The following MTHFD1 variants were observed in gnomAD, a reference collection of about 807,000 sequenced individuals.
MTHFD1 encodes the protein methylenetetrahydrofolate dehydrogenase, cyclohydrolase and formyltetrahydrofolate synthetase 1, also known as C-1-tetrahydrofolate synthase, cytoplasmic.
A neutral mutation model predicts 110.3 loss-of-function variants in MTHFD1; 44 were observed. The ratio of observed to expected loss-of-function variants is 0.40; its 90% CI spans 0.31 to 0.51. MTHFD1 has a LOEUF of 0.51. Ranked by LOEUF, MTHFD1 falls within the 20% of genes least tolerant of loss-of-function variation. The probability of loss-of-function intolerance (pLI) is 0.60; values close to 1 mark genes in which losing one functional copy is unlikely to be tolerated. For synonymous variants in MTHFD1, 402 were observed against 428.8 expected (o/e 0.94, Z 0.77); for missense variants, 909 against 1,173.1 (o/e 0.77, Z 3.29).
intron 2 of MTHFD1, among the ~76,000 whole-genome samples, chr14:64,402,416 A>G (rs1007508227): frequency 2.0e-5 from 3 of 152,242 alleles, no homozygotes; most frequent in African/African-American, 7.2e-5. Context: ...TTTTCACCCA[A>G]AAACTCACAT....
At chr14:64,438,151 G>A (rs2078221079) in intron 16 of MTHFD1, among the ~76,000 whole-genome samples, 1 of 152,196 alleles carries the variant, frequency 6.6e-6, no homozygotes, top group African/African-American at 2.4e-5. Context: ...GGGATTTACA[G>A]GCGTGAGCCA....
At chr14:64,411,504 A>G (rs2077983429) in intron 3 of MTHFD1, among the ~76,000 whole-genome samples, 1 of 152,230 alleles carries the variant, frequency 6.6e-6, no homozygotes, top group Non-Finnish European at 1.5e-5. Context: ...TAAAGAGGAA[A>G]GGGTGGGTTA....
intron 2 of MTHFD1, 142 bp downstream of exon 2, chr14:64,401,019 C>A (rs978722643): frequency 1.9e-4 from 135 of 694,522 alleles, no homozygotes; most frequent in East Asian, 1.6e-3. Flanking sequence ...CAGGCTCCCC[C>A]CTTTGGCTCA....
intron 1 of MTHFD1, among the ~76,000 whole-genome samples, chr14:64,389,474 G>A (rs769283307): frequency 3.9e-5 from 6 of 152,182 alleles, no homozygotes; most frequent in South Asian, 2.1e-4. Flanking sequence ...TTGGGAGGCC[G>A]AGGTGGGTGG....
chr14:64,454,928 G>A, intron 26 of MTHFD1, 53 bp downstream of exon 26: 2 of 1,589,696 alleles, frequency 1.3e-6, no homozygotes, highest in African/African-American at 1.3e-5. Flanking sequence ...CTCGTCTGAA[G>A]TGTGTTGCCG....
chr14:64,427,538 C>G (rs192611418), intron 12 of MTHFD1, 65 bp downstream of exon 12: 669 of 1,519,104 alleles, frequency 4.4e-4, no homozygotes, highest in Non-Finnish European at 5.7e-4. Flanking sequence ...CCTCCCAGGC[C>G]CACGCAACCT....
chr14:64,448,194 G>A lies in MTHFD1; in HGVS notation c.2179-23G>A, dbSNP rs1275249275. 8 of 1,560,792 alleles carry A rather than the reference G, an allele frequency of 5.1e-6. No homozygotes were observed. In the Middle Eastern group the frequency reaches 5.0e-4, roughly 98 times the overall value. ...GGTTTTCAACTCTCTGATCTCATAG[G>A]CCTTTCACTGTTGTTTTTACAGAAC... On this transcript the variant is annotated intron_variant, in intron 22 of 27. Transcript: ENST00000652337.
At chr14:64,411,878 G>A (rs1325094011) in intron 3 of MTHFD1, among the ~76,000 whole-genome samples, 2 of 152,032 alleles carry the variant, frequency 1.3e-5, no homozygotes, top group Non-Finnish European at 2.9e-5. Flanking sequence ...TCCAGCCTGG[G>A]CAATAAGAGT....
At chr14:64,409,599 A>G (rs1484107420) in intron 2 of MTHFD1, among the ~76,000 whole-genome samples, 1 of 152,148 alleles carries the variant, frequency 6.6e-6, no homozygotes, top group Non-Finnish European at 1.5e-5. Flanking sequence ...GGTGGGGCAA[A>G]GAACATACAT....
chr14:64,448,158 G>T lies in MTHFD1; in HGVS notation c.2179-59G>T, dbSNP rs938200846. On this transcript the variant is annotated intron_variant, in intron 22 of 27. Coordinates refer to ENST00000652337, the MANE Select transcript of MTHFD1 (RefSeq NM_005956.4). Reference sequence around the variant, plus strand: ...AAGGAGGTTGTTTGCCTTTGAAGAAGAACCTGCAGTGGTTTTCAACTCTCT... The same window carrying T: ...AAGGAGGTTGTTTGCCTTTGAAGAATAACCTGCAGTGGTTTTCAACTCTCT... 1.6e-5 allele frequency: 20 copies of T among 1,277,780 alleles called. No homozygotes were observed. In the South Asian group the frequency reaches 2.4e-4, roughly 16 times the overall value. 79.2% of individuals were successfully genotyped at this position (1,277,780 alleles called of 1,614,324 possible).
intron 1 of MTHFD1, among the ~76,000 whole-genome samples, chr14:64,389,638 G>A (rs2077789036): frequency 6.6e-6 from 1 of 152,030 alleles, no homozygotes; most frequent in South Asian, 2.1e-4. Context: ...GAACCTGGGG[G>A]GCAGAGGTTG....
At chr14:64,400,186 C>T (rs1200258218) in intron 1 of MTHFD1, among the ~76,000 whole-genome samples, 1 of 146,590 alleles carries the variant, frequency 6.8e-6, no homozygotes, top group African/African-American at 2.5e-5. Flanking sequence ...GTCGGGAGTT[C>T]GAGACCAGCC....
At chr14:64,430,283 G>A (rs2078147834) in intron 13 of MTHFD1, 53 bp downstream of exon 13, 2 of 1,535,112 alleles carry the variant, frequency 1.3e-6, no homozygotes, top group Non-Finnish European at 1.8e-6. Context: ...TTGTCGGGGG[G>A]GAGGGTGCTG....
At chr14:64,457,201 C>T (rs1394580603) in intron 26 of MTHFD1, among the ~76,000 whole-genome samples, 1 of 152,134 alleles carries the variant, frequency 6.6e-6, no homozygotes, top group Non-Finnish European at 1.5e-5. Context: ...GTTGCTGAAG[C>T]AAAAATCACA....
At chr14:64,392,404 A>AG (rs1450417457) in intron 1 of MTHFD1, among the ~76,000 whole-genome samples, 1 of 152,204 alleles carries the variant, frequency 6.6e-6, no homozygotes, top group East Asian at 1.9e-4. Flanking sequence ...GGCCTTTCAA[A>AG]GGGGGGCTTA....
chr14:64,449,065 T>C (rs184759730), intron 23 of MTHFD1: 510 of 333,790 alleles, frequency 1.5e-3, no homozygotes, highest in Non-Finnish European at 2.0e-3. Flanking sequence ...TCCCAAAGTG[T>C]TGGGATTACA....
rs574410917 is a variant in MTHFD1, at chr14:64,441,676, G to A, written c.1884+223G>A. On this transcript the variant is annotated intron_variant, in intron 19 of 27. Transcript: ENST00000652337. ...AAAAAATTAGCCGGGCATGGTGGCG[G>A]GCGCCTGTAGTCCCAGCTGCTCGGA... 3.3e-5 allele frequency: 19 copies of A among 571,066 alleles called. No individual in the cohort carries two copies. The African/African-American group carries it at 3.4e-4, about 10-fold the overall frequency. 35.4% of individuals were successfully genotyped at this position (571,066 alleles called of 1,614,324 possible).
rs192369756 is a variant in MTHFD1 at position 64,441,631 on chromosome 14, C to T, written c.1884+178C>T. 81 of 627,182 alleles carry T rather than the reference C, an allele frequency of 1.3e-4. No homozygotes were observed. In the East Asian group the frequency reaches 1.6e-3, roughly 13 times the overall value. The allele number at this position is 627,182 out of a possible 1,614,324, so 38.9% of individuals were successfully genotyped here. A position where few individuals can be genotyped will look rare whatever the true frequency, so the allele number is the denominator to read the frequency against. On this transcript the variant is annotated intron_variant, in intron 19 of 27. Transcript: ENST00000652337. ...ACCATCCTGGCTAACATGGTGAAAC[C>T]CCGTCTCTACTAAAAATACAAAAAA...
chr14:64,447,581 A>T (rs2078302684), intron 22 of MTHFD1, among the ~76,000 whole-genome samples: 1 of 150,814 alleles, frequency 6.6e-6, no homozygotes, highest in African/African-American at 2.4e-5. Flanking sequence ...AAGTCCTGGG[A>T]TTACAAGTGT....
Sources: gnomAD v4.1 joint callset for allele counts (sites outside exome capture counted in the v4.1 genomes callset) on GRCh38, gnomAD v4.1.1 for gene constraint, MANE v1.5 for transcripts, NCBI Gene and HGNC (gene_info 2026-07-23, HGNC 2026-07-21) for gene names.